The following LINGO2 variants were observed in gnomAD, a reference collection of about 807,000 sequenced individuals.
LINGO2 encodes the protein leucine rich repeat and Ig domain containing 2.
A neutral mutation model predicts 30.6 loss-of-function variants in LINGO2; 14 were observed. The observed-to-expected ratio is 0.46, with a 90% CI of 0.30 to 0.72. The LOEUF (loss-of-function observed/expected upper bound fraction) is 0.72. Among genes scored for constraint, LINGO2 ranks in the 30% least tolerant of loss-of-function variants. The probability of loss-of-function intolerance (pLI) is 0.07; values close to 1 mark genes in which losing one functional copy is unlikely to be tolerated. For missense variants in LINGO2, 729 were observed against 751.7 expected (o/e 0.97, Z 0.35); for synonymous variants, 317 against 288.5 (o/e 1.10, Z -1.00).
intron 4 of LINGO2, among the ~76,000 whole-genome samples, chr9:28,038,982 CTTT>C (rs1563934394): frequency 6.6e-6 from 1 of 152,156 alleles, no homozygotes; most frequent in South Asian, 2.1e-4. Flanking sequence ...GTCTACAATT[CTTT>C]TTGATTGTGT....
intron 4 of LINGO2, among the ~76,000 whole-genome samples, chr9:28,287,954 A>G (rs1000280719): frequency 2.3e-4 from 35 of 152,218 alleles, no homozygotes; most frequent in Non-Finnish European, 1.6e-4. Context: ...TTTAGTCAGC[A>G]TTTAACAGAG....
At chr9:28,918,140 C>T in the LINGO2 span, among the ~76,000 whole-genome samples, 2 of 152,126 alleles carry the variant, frequency 1.3e-5, no homozygotes, top group Non-Finnish European at 2.9e-5. Flanking sequence ...ATCGGACTTA[C>T]AGTTCCACAA....
chr9:28,123,447 C>A (rs143981949), intron 4 of LINGO2, among the ~76,000 whole-genome samples: 1 of 152,120 alleles, frequency 6.6e-6, no homozygotes, highest in Non-Finnish European at 1.5e-5. Context: ...TAAGTGTGTC[C>A]TTCTCAAGGC....
chr9:28,259,737 A>G (rs1295587478), intron 4 of LINGO2, among the ~76,000 whole-genome samples: 2 of 151,976 alleles, frequency 1.3e-5, no homozygotes, highest in Admixed American at 6.6e-5. Context: ...ATTGATCAAG[A>G]AGGGAAAGAC....
At chr9:28,743,515 A>C in the LINGO2 span, among the ~76,000 whole-genome samples, 1 of 151,906 alleles carries the variant, frequency 6.6e-6, no homozygotes, top group Non-Finnish European at 1.5e-5. Flanking sequence ...ACATGAACTC[A>C]TCCTTTTTTA....
the LINGO2 span, among the ~76,000 whole-genome samples, chr9:28,875,244 C>A: frequency 0.15 from 22,107 of 151,934 alleles, 1,764 homozygotes; most frequent in East Asian, 0.3. Context: ...TACCTGTATA[C>A]AACACTAATA....
chr9:28,402,493 C>CT lies in LINGO2; in HGVS notation c.-278-29626dup, dbSNP rs562369261. Among the ~76,000 whole-genome samples, 5 of 152,180 alleles carry CT rather than the reference C, an allele frequency of 3.3e-5. No individual in the cohort carries two copies. The East Asian group carries it at 9.7e-4, about 30-fold the overall frequency. ...ACAAAAATCATCAATGATTTTACAACTTTTTGCCATGAAGAATCTTTCCAG... is the reference window on the plus strand; with the variant it reads ...ACAAAAATCATCAATGATTTTACAACTTTTTTGCCATGAAGAATCTTTCCAG... On this transcript the variant is annotated intron_variant, in intron 2 of 5. Coordinates refer to ENST00000379992, the Ensembl canonical transcript of LINGO2.
intron 4 of LINGO2, among the ~76,000 whole-genome samples, chr9:28,251,077 C>A (rs1011442481): frequency 2.3e-4 from 35 of 152,022 alleles, no homozygotes; most frequent in African/African-American, 8.2e-4. Flanking sequence ...ATTAATTTTC[C>A]TTAATGTAAA....
intron 4 of LINGO2, among the ~76,000 whole-genome samples, chr9:28,177,231 G>A (rs888921368): frequency 1.1e-4 from 16 of 152,026 alleles, no homozygotes; most frequent in African/African-American, 3.9e-4. Flanking sequence ...TGGTTTTTTT[G>A]AGTAAATGTA....
chr9:28,196,041 G>A (rs996821745), intron 4 of LINGO2, among the ~76,000 whole-genome samples: 9 of 151,178 alleles, frequency 6.0e-5, no homozygotes, highest in South Asian at 2.1e-4. Flanking sequence ...TATAAAAACC[G>A]TTTGATTATT....
the LINGO2 span, among the ~76,000 whole-genome samples, chr9:29,146,627 T>C: frequency 2.0e-5 from 3 of 152,074 alleles, no homozygotes; most frequent in African/African-American, 7.2e-5. Context: ...AAAAGAAAAA[T>C]GTGGCAGAAG....
chr9:28,233,059 T>A (rs10968399), intron 4 of LINGO2, among the ~76,000 whole-genome samples: 1 of 125,906 alleles, frequency 7.9e-6, no homozygotes, highest in African/African-American at 3.2e-5. Flanking sequence ...TATATATATA[T>A]ATTAGATATA....
chr9:28,848,281 C>CGCATATATAGTGTATATAT, the LINGO2 span, among the ~76,000 whole-genome samples: 1 of 87,408 alleles, frequency 1.1e-5, no homozygotes, highest in Non-Finnish European at 2.0e-5. Flanking sequence ...ACTATATATA[C>CGCATATATAGTGTATATAT]ACTATGCATA....
At chr9:28,519,188 C>T (rs1016405612) in intron 1 of LINGO2, among the ~76,000 whole-genome samples, 13 of 151,912 alleles carry the variant, frequency 8.6e-5, no homozygotes, top group Non-Finnish European at 1.6e-4. Flanking sequence ...TGTGCCACTA[C>T]GTCCAGACAA....
chr9:28,372,735 A>G (rs13296489), intron 3 of LINGO2, 101 bp downstream of exon 5: 59,643 of 152,494 alleles, frequency 0.39, 12,953 homozygotes, highest in Non-Finnish European at 0.47. Flanking sequence ...TAGCTTAATT[A>G]TTCCACATTG....
the LINGO2 span, among the ~76,000 whole-genome samples, chr9:28,703,057 T>A: frequency 6.6e-6 from 1 of 151,876 alleles, no homozygotes; most frequent in Non-Finnish European, 1.5e-5. Flanking sequence ...GTTTTTCATC[T>A]TTTGAAAAAC....
intron 2 of LINGO2, among the ~76,000 whole-genome samples, chr9:28,431,338 T>C (rs1823669335): frequency 6.6e-6 from 1 of 152,138 alleles, no homozygotes. Context: ...TTCTCTGTTT[T>C]CCTGTCATCT....
intron 4 of LINGO2, among the ~76,000 whole-genome samples, chr9:28,159,340 A>G (rs1187265699): frequency 6.6e-6 from 1 of 152,154 alleles, no homozygotes; most frequent in East Asian, 1.9e-4. Flanking sequence ...CTTAGCTAAA[A>G]AATGTAACTA....
chr9:28,931,194 A>G, the LINGO2 span, among the ~76,000 whole-genome samples: 1 of 152,206 alleles, frequency 6.6e-6, no homozygotes, highest in Admixed American at 6.5e-5. Flanking sequence ...ATGACTCTCA[A>G]ATATGTAACA....
Sources: allele counts gnomAD v4.1 joint callset (sites outside exome capture counted in the v4.1 genomes callset), GRCh38; gene constraint gnomAD v4.1.1; transcripts MANE v1.5; gene names NCBI Gene and HGNC (gene_info 2026-07-23, HGNC 2026-07-21).